SRSF1: variants seen among roughly 807,000 people sequenced by gnomAD.
SRSF1 encodes serine and arginine rich splicing factor 1.
Under a neutral mutation model 25.9 loss-of-function variants are expected in SRSF1, and 1 was observed. That is an observed-to-expected ratio of 0.04 (90% CI 0.01 to 0.18). The LOEUF is 0.18. Ranked by LOEUF, SRSF1 falls within the 10% of genes least tolerant of loss-of-function variation. The pLI, the probability that SRSF1 is intolerant of heterozygous loss-of-function variation, is 1.00. For missense variants in SRSF1, 65 were observed against 350.5 expected (o/e 0.19, Z 6.50); for synonymous variants, 132 against 126.2 (o/e 1.05, Z -0.31).
rs758783222 is a variant in SRSF1 at position 58,005,538 on chromosome 17, A to C, written c.615T>G (p.Ser205=). The change falls in exon 4 of 4, where the codon TCT becomes TCG. Residue 205 remains serine, a synonymous_variant. Coordinates refer to ENST00000258962, the MANE Select transcript of SRSF1 (RefSeq NM_006924.5). This position sits in a 1 kb window ranked among gnomAD's most constrained non-coding sequence, Gnocchi z 5.2. ...DGPRSPSYGR[S]RSRSRSRSRS... ...TGCTACGACTACGGCTTCGAGATCG[A>C]GATCTTCCATAACTTGGACTTCTGG... 2 of 1,614,012 alleles carry C rather than the reference A, an allele frequency of 1.2e-6. No homozygotes were observed. The highest frequency in any genetic ancestry group is 1.7e-6 in the Non-Finnish European group (2 of 1,180,038).
At chr17:58,006,213 A>G (rs901377149) in intron 2 of SRSF1, 130 bp downstream of exon 2, 2 of 1,234,164 alleles carry the variant, frequency 1.6e-6, no homozygotes, top group Admixed American at 2.6e-5. Context: ...CGTTTATTAA[A>G]TTCACCCAAA....
Position 58,003,035 on chromosome 17 carries a change from C to T in SRSF1, c.*2371G>A, listed in dbSNP as rs2075403037. Among the ~76,000 whole-genome samples the T allele has an allele frequency of 6.6e-6, 1 of 152,192 alleles. No homozygotes were observed. The highest frequency in any genetic ancestry group is 1.5e-5 in the Non-Finnish European group (1 of 68,038). ...TCAAAAACAAAAAACAGTTCTAATA[C>T]ATCTGTGCTGATGTTAACATTTAAT... On this transcript the variant is annotated 3_prime_UTR_variant, in exon 4 of 4. Coordinates refer to ENST00000258962, the MANE Select transcript of SRSF1 (RefSeq NM_006924.5).
At chr17:58,006,646 C>G in intron 1 of SRSF1, 119 bp from the exon 2 acceptor site, 1 of 1,234,758 alleles carries the variant, frequency 8.1e-7, no homozygotes, top group Non-Finnish European at 1.1e-6. Flanking sequence ...ACATGCGCCG[C>G]ATAATAGGAA....
In SRSF1 at chr17:58,002,611, A is replaced by T. The variant is rs143659719; in HGVS notation, c.*2795T>A. Among the ~76,000 whole-genome samples, 1 of 152,248 alleles carries T rather than the reference A, an allele frequency of 6.6e-6. No homozygotes were observed. The highest frequency in any genetic ancestry group is 6.5e-5 in the Admixed American group (1 of 15,286). ...TAATCTTATGGTTGGAGAAGGGCTTATAAGGCAAAATTCTAAATGCCCAGC... is the reference window on the plus strand; with the variant it reads ...TAATCTTATGGTTGGAGAAGGGCTTTTAAGGCAAAATTCTAAATGCCCAGC... On this transcript the variant is annotated 3_prime_UTR_variant, in exon 4 of 4. Coordinates refer to ENST00000258962, the MANE Select transcript of SRSF1 (RefSeq NM_006924.5).
chr17:57,991,949 C>T, the SRSF1 span: 1 of 152,190 alleles, frequency 6.6e-6, no homozygotes, highest in Non-Finnish European at 1.5e-5. Context: ...ACCCATTTTC[C>T]TAGTAGACAC....
chr17:57,993,853 C>T, the SRSF1 span: 1 of 152,268 alleles, frequency 6.6e-6, no homozygotes, highest in Non-Finnish European at 1.5e-5. Context: ...ACCTTACCTC[C>T]TCAACTTCAC....
Position 58,006,866 on chromosome 17 carries a change from C to T in SRSF1, c.194+78G>A, listed in dbSNP as rs545595253. On this transcript the variant is annotated intron_variant, in intron 1 of 3. Transcript: ENST00000258962. Reference sequence around the variant, plus strand: ...CTCTAAGAGCCCCCGCTTCCCCGTTCTCTATGTTAAGGCCTTGGAGCCTTC... The same window carrying T: ...CTCTAAGAGCCCCCGCTTCCCCGTTTTCTATGTTAAGGCCTTGGAGCCTTC... 6 of 1,523,196 alleles carry T rather than the reference C, an allele frequency of 3.9e-6. No individual in the cohort carries two copies. In the African/African-American group the frequency reaches 8.2e-5, roughly 21 times the overall value. The allele number at this position is 1,523,196 out of a possible 1,614,324, so 94.4% of individuals were successfully genotyped here.
At chr17:57,993,329 G>C in the SRSF1 span, 2 of 151,378 alleles carry the variant, frequency 1.3e-5, no homozygotes, top group African/African-American at 4.9e-5. Context: ...GGCAGAGCTT[G>C]CAGTGAGCCG....
chr17:57,992,275 T>G, the SRSF1 span: 1 of 151,998 alleles, frequency 6.6e-6, no homozygotes, highest in Non-Finnish European at 1.5e-5. Context: ...AGTAAGAAAT[T>G]CAATACAACT....
chr17:58,006,688 C>T lies in SRSF1; in HGVS notation c.195-161G>A, dbSNP rs554505709. On this transcript the variant is annotated intron_variant, in intron 1 of 3. Transcript: ENST00000258962. Reference sequence around the variant, plus strand: ...CTCCCCCACCCAGAAACACGCCAGGCTCCCAACCACTACACCAGCCCTCAG... The same window carrying T: ...CTCCCCCACCCAGAAACACGCCAGGTTCCCAACCACTACACCAGCCCTCAG... 563 of 938,858 alleles carry T rather than the reference C, an allele frequency of 6.0e-4. 1 individual carries two copies. Among genetic ancestry groups the T allele is most frequent in the Admixed American group, 9.3e-4 (32 of 34,448 alleles). The allele number at this position is 938,858 out of a possible 1,614,324, so 58.2% of individuals were successfully genotyped here. A position where few individuals can be genotyped will look rare whatever the true frequency, so the allele number is the denominator to read the frequency against.
chr17:57,990,571 C>T, the SRSF1 span: 1 of 152,300 alleles, frequency 6.6e-6, no homozygotes, highest in Non-Finnish European at 1.5e-5. Context: ...GGGGCTATTT[C>T]TACTTTTAGG....
Position 58,005,535 on chromosome 17 carries a change from T to G in SRSF1, c.618A>C (p.Arg206=). 2 of 1,614,170 alleles carry G rather than the reference T, an allele frequency of 1.2e-6. No homozygotes were observed. The highest frequency in any genetic ancestry group is 1.7e-6 in the Non-Finnish European group (2 of 1,180,032). ...GPRSPSYGRS[R]SRSRSRSRSR... ...TTCTGCTACGACTACGGCTTCGAGA[T>G]CGAGATCTTCCATAACTTGGACTTC... The change falls in exon 4 of 4, where the codon CGA becomes CGC. Residue 206 remains arginine, a synonymous_variant. Coordinates refer to ENST00000258962, the MANE Select transcript of SRSF1 (RefSeq NM_006924.5). This position sits in a 1 kb window ranked among gnomAD's most constrained non-coding sequence, Gnocchi z 5.2.
In SRSF1 at chr17:58,001,427, G is replaced by A. The variant is rs182365817; in HGVS notation, c.*3979C>T. 1.3e-3 allele frequency among the ~76,000 whole-genome samples: 193 copies of A among 152,208 alleles called. 1 individual carries two copies. The highest frequency in any genetic ancestry group is 4.5e-3 in the African/African-American group (186 of 41,542). ...AGCATTTTAAAAAACATTAAACTTA[G>A]CTTAGTTTTAAAAACAAAATTCAGA... On this transcript the variant is annotated 3_prime_UTR_variant, in exon 4 of 4. Coordinates refer to ENST00000258962, the MANE Select transcript of SRSF1 (RefSeq NM_006924.5).
At chr17:57,998,957 C>G (rs904758917), downstream of SRSF1, among the ~76,000 whole-genome samples, 1 of 152,186 alleles carries the variant, frequency 6.6e-6, no homozygotes, top group Non-Finnish European at 1.5e-5. Flanking sequence ...AAACAGGAGA[C>G]AAGTTTGTGT....
chr17:57,999,839 G>A (rs1248581838), downstream of SRSF1, among the ~76,000 whole-genome samples: 3 of 152,154 alleles, frequency 2.0e-5, no homozygotes, highest in African/African-American at 4.8e-5. Context: ...GCATCCTAGA[G>A]AAGCTGTTTC....
rs962589106 is a variant in SRSF1, at chr17:58,003,051, A to G, written c.*2355T>C. Among the ~76,000 whole-genome samples, 1 of 152,260 alleles carries G rather than the reference A, an allele frequency of 6.6e-6. No homozygotes were observed. The highest frequency in any genetic ancestry group is 2.4e-5 in the African/African-American group (1 of 41,468). On this transcript the variant is annotated 3_prime_UTR_variant, in exon 4 of 4. Coordinates refer to ENST00000258962, the MANE Select transcript of SRSF1 (RefSeq NM_006924.5). ...GTTCTAATACATCTGTGCTGATGTT[A>G]ACATTTAATACTTACCTTTTTTTGA...
At chr17:57,990,626 G>C in the SRSF1 span, 1 of 152,194 alleles carries the variant, frequency 6.6e-6, no homozygotes, top group South Asian at 2.1e-4. Flanking sequence ...CTCTCCTTAA[G>C]TGAGCTTCCA....
chr17:57,999,689 G>C (rs1348212074), downstream of SRSF1, among the ~76,000 whole-genome samples: 1 of 152,142 alleles, frequency 6.6e-6, no homozygotes, highest in Admixed American at 6.5e-5. Flanking sequence ...CCCTCTAGTG[G>C]CTAAGTGATT....
At chr17:57,993,862 A>T in the SRSF1 span, 1 of 151,180 alleles carries the variant, frequency 6.6e-6, no homozygotes, top group Admixed American at 6.6e-5. Flanking sequence ...CCTCAACTTC[A>T]CCTCCCTCCT....
Sources: gnomAD v4.1 joint callset for allele counts (sites outside exome capture counted in the v4.1 genomes callset) on GRCh38, gnomAD v4.1.1 for gene constraint, Gnocchi (gnomAD v3.1) non-coding constraint, MANE v1.5 for transcripts, NCBI Gene and HGNC (gene_info 2026-07-23, HGNC 2026-07-21) for gene names.